ACKR3: variants seen among roughly 807,000 people sequenced by gnomAD.
ACKR3 encodes the protein atypical chemokine receptor 3, also known as C-X-C chemokine receptor type 7.
Under a neutral mutation model 22.4 loss-of-function variants are expected in ACKR3, and 6 were observed. That is an observed-to-expected ratio of 0.27 (90% CI 0.15 to 0.53). The LOEUF (loss-of-function observed/expected upper bound fraction) is 0.53. Ranked by LOEUF, ACKR3 falls within the 20% of genes least tolerant of loss-of-function variation. The pLI is 0.96. For missense variants in ACKR3, 396 were observed against 475.2 expected (o/e 0.83, Z 1.55); for synonymous variants, 209 against 205.2 (o/e 1.02, Z -0.16).
At chr2:236,557,882 C>T in the ACKR3 span, among the ~76,000 whole-genome samples, 30 of 152,248 alleles carry the variant, frequency 2.0e-4, no homozygotes, top group Non-Finnish European at 2.9e-4. Context: ...AGACCTGAAT[C>T]TTATCTTAAG....
rs1378274995 is a variant in ACKR3 at position 236,580,423 on chromosome 2, G to C, written c.-26-17G>C. On this transcript the variant is annotated splice_polypyrimidine_tract_variant and intron_variant, in intron 1 of 1. Transcript: ENST00000272928. ...CTTTCCTCTTCCATCTTTTTTGTTT[G>C]CTTGGTTTTCTCATAGGTCATTTGA... is the stretch of plus-strand genomic sequence containing the variant. 6.4e-7 allele frequency: 1 copy of C among 1,556,576 alleles called. No homozygotes were observed. The highest frequency in any genetic ancestry group is 1.4e-5 in the African/African-American group (1 of 72,484).
chr2:236,554,933 T>G, the ACKR3 span, among the ~76,000 whole-genome samples: 1 of 152,182 alleles, frequency 6.6e-6, no homozygotes, highest in Non-Finnish European at 1.5e-5. Flanking sequence ...TCGATAAGCA[T>G]CAGAGTAGGG....
the ACKR3 span, among the ~76,000 whole-genome samples, chr2:236,543,929 C>A: frequency 1.7e-5 from 2 of 120,730 alleles, no homozygotes; most frequent in African/African-American, 2.7e-5. Flanking sequence ...AATTTTTTCT[C>A]CTGGGAGAAG....
intron 1 of ACKR3, among the ~76,000 whole-genome samples, chr2:236,576,970 T>A (rs1196357827): frequency 1.3e-5 from 2 of 152,222 alleles, no homozygotes; most frequent in African/African-American, 4.8e-5. Flanking sequence ...CACTGTACTT[T>A]CCTTCCTATC....
At chr2:236,551,573 T>G in the ACKR3 span, among the ~76,000 whole-genome samples, 1 of 152,196 alleles carries the variant, frequency 6.6e-6, no homozygotes. Context: ...CCAGCTGATT[T>G]GCAGCCTAAC....
In ACKR3 at chr2:236,581,032, G is replaced by C. The variant is rs139490851; in HGVS notation, c.567G>C (p.Ala189=). Residue 189 remains alanine (A), a synonymous_variant, in exon 2 of 2, where the codon GCG becomes GCC. Transcript: ENST00000272928. This position sits in a 1 kb window ranked among gnomAD's most constrained non-coding sequence, Gnocchi z 4.4. ...DTYYLKTVTS[A]SNNETYCRSF... ...ACTACCTGAAGACCGTCACGTCTGC[G>C]TCCAACAATGAGACCTACTGCCGGT... 9 of 1,614,106 alleles carry C rather than the reference G, an allele frequency of 5.6e-6. No individual in the cohort carries two copies. Among genetic ancestry groups the C allele is most frequent in the Middle Eastern group, 3.3e-4 (2 of 6,062 alleles).
At chr2:236,571,707 A>G (rs1215978463) in intron 1 of ACKR3, among the ~76,000 whole-genome samples, 3 of 150,436 alleles carry the variant, frequency 2.0e-5, no homozygotes, top group African/African-American at 7.3e-5. Context: ...TTAGGGCGAG[A>G]GCTCCTGTTT....
At chr2:236,543,941 G>GTGTATATATA in the ACKR3 span, among the ~76,000 whole-genome samples, 1 of 57,760 alleles carries the variant, frequency 1.7e-5, no homozygotes, top group Non-Finnish European at 4.4e-5. Flanking sequence ...TGGGAGAAGG[G>GTGTATATATA]TATATATATA....
chr2:236,573,143 G>A (rs759603328), intron 1 of ACKR3, among the ~76,000 whole-genome samples: 5 of 152,016 alleles, frequency 3.3e-5, no homozygotes, highest in African/African-American at 1.2e-4. Context: ...CCATAGATTC[G>A]ATGTAGCATT....
upstream of ACKR3, among the ~76,000 whole-genome samples, chr2:236,568,515 G>T (rs905562399): frequency 2.0e-5 from 3 of 152,204 alleles, no homozygotes; most frequent in Admixed American, 6.5e-5. Flanking sequence ...TGATTGCGCC[G>T]CCCTGCAGAG....
At chr2:236,571,794 A>C (rs938919489) in intron 1 of ACKR3, among the ~76,000 whole-genome samples, 8 of 152,126 alleles carry the variant, frequency 5.3e-5, no homozygotes, top group Admixed American at 5.2e-4. Flanking sequence ...AAACCTTAAG[A>C]GTAACCGAGG....
At chr2:236,580,314 C>A in intron 1 of ACKR3, 126 bp from the exon 2 acceptor site, 1 of 932,598 alleles carries the variant, frequency 1.1e-6, no homozygotes, top group Non-Finnish European at 1.6e-6. Flanking sequence ...AAAGACATTA[C>A]AGAGCTAAAC....
the ACKR3 span, among the ~76,000 whole-genome samples, chr2:236,550,886 C>T: frequency 3.3e-5 from 5 of 152,196 alleles, no homozygotes; most frequent in South Asian, 2.1e-4. The surrounding 1 kb of genome is among the most constrained non-coding windows in gnomAD (Gnocchi z 4.6). Flanking sequence ...ACGGCTGCCC[C>T]GGCTGGGTGG....
chr2:236,544,060 G>A, the ACKR3 span, among the ~76,000 whole-genome samples: 29 of 143,252 alleles, frequency 2.0e-4, no homozygotes, highest in South Asian at 6.6e-3. This position sits in a 1 kb window ranked among gnomAD's most constrained non-coding sequence, Gnocchi z 5.0. Context: ...TGTGATCTCG[G>A]CTCACTGCAA....
the ACKR3 span, among the ~76,000 whole-genome samples, chr2:236,560,957 C>T: frequency 1.3e-5 from 2 of 152,164 alleles, no homozygotes; most frequent in Admixed American, 6.5e-5. Flanking sequence ...ATACATACAA[C>T]AAAATATTAC....
At chr2:236,562,345 CT>C in the ACKR3 span, among the ~76,000 whole-genome samples, 3 of 152,062 alleles carry the variant, frequency 2.0e-5, no homozygotes, top group Non-Finnish European at 2.9e-5. Context: ...ATTTGCTTTG[CT>C]TTTTTATTTT....
chr2:236,578,013 G>A (rs1048516463), intron 1 of ACKR3, among the ~76,000 whole-genome samples: 1 of 152,234 alleles, frequency 6.6e-6, no homozygotes, highest in African/African-American at 2.4e-5. Flanking sequence ...AAGCCATGAT[G>A]CAAATGTGTT....
the ACKR3 span, among the ~76,000 whole-genome samples, chr2:236,539,864 A>C: frequency 1.3e-5 from 2 of 152,236 alleles, no homozygotes; most frequent in African/African-American, 2.4e-5. Context: ...GACGTCTTAC[A>C]TGGCAACAGG....
At chr2:236,576,145 C>G (rs561064808) in intron 1 of ACKR3, among the ~76,000 whole-genome samples, 1 of 152,274 alleles carries the variant, frequency 6.6e-6, no homozygotes, top group South Asian at 2.1e-4. Flanking sequence ...TTTCTTAGAC[C>G]CTGGCCTCAA....
Sources: gnomAD v4.1 joint callset for allele counts (sites outside exome capture counted in the v4.1 genomes callset) on GRCh38, gnomAD v4.1.1 for gene constraint, Gnocchi (gnomAD v3.1) non-coding constraint, MANE v1.5 for transcripts, NCBI Gene and HGNC (gene_info 2026-07-23, HGNC 2026-07-21) for gene names.